Variants in TMEM74 observed in about 807,000 individuals in gnomAD.
TMEM74 encodes transmembrane protein 74.
In TMEM74, 13 loss-of-function variants were observed where a neutral mutation model predicts 18.1. That is an observed-to-expected ratio of 0.72 (90% confidence interval 0.47 to 1.14). The LOEUF is 1.14. TMEM74 is among the 50% of genes most tolerant of loss of function. The pLI, the probability that TMEM74 is intolerant of heterozygous loss-of-function variation, is 0.00. For synonymous variants in TMEM74, 159 were observed against 146.6 expected (o/e 1.08, Z -0.61); for missense variants, 372 against 375.9 (o/e 0.99, Z 0.09).
chr8:108,764,595 CA>C (rs973790950), intron 1 of TMEM74, among the ~76,000 whole-genome samples: 11 of 152,088 alleles, frequency 7.2e-5, no homozygotes, highest in Non-Finnish European at 1.5e-4. Context: ...TGGTTTGAGA[CA>C]AAAGGCCCTG....
Position 108,702,427 on chromosome 8 carries a change from G to GA in TMEM74, n.120-46991dup, listed in dbSNP as rs962883233. ...AGCTGATCTTGACAAAGGAGGAAAGGAAAAAAAAATGCAGCAGCAAAGGTA... is the reference window on the plus strand; with the variant it reads ...AGCTGATCTTGACAAAGGAGGAAAGGAAAAAAAAAATGCAGCAGCAAAGGTA... On this transcript the variant is annotated intron_variant and non_coding_transcript_variant, in intron 1 of 3. Transcript: ENST00000518838. Among the ~76,000 whole-genome samples, 11 of 148,618 alleles carry GA rather than the reference G, an allele frequency of 7.4e-5. 1 individual carries two copies. Among genetic ancestry groups the GA allele is most frequent in the African/African-American group, 1.2e-4 (5 of 40,508 alleles).
chr8:108,612,845 A>G (rs1812346863), intron 2 of TMEM74, among the ~76,000 whole-genome samples: 1 of 152,184 alleles, frequency 6.6e-6, no homozygotes, highest in African/African-American at 2.4e-5. Flanking sequence ...TCTGTAAGTC[A>G]TTAAAGCCTA....
chr8:108,664,860 C>T (rs1321763522), intron 1 of TMEM74, among the ~76,000 whole-genome samples: 1 of 152,064 alleles, frequency 6.6e-6, no homozygotes, highest in Non-Finnish European at 1.5e-5. Flanking sequence ...TGTGTCTCCG[C>T]TATTTTGACT....
In TMEM74 at chr8:108,657,879, T is replaced by TTA. The variant is rs1554630293; in HGVS notation, n.120-2443_120-2442insTA. On this transcript the variant is annotated intron_variant and non_coding_transcript_variant, in intron 1 of 3. Coordinates refer to the TMEM74 transcript ENST00000518838. ...AAAAAAATATATATATATATATATATATATATATATATATATATATATATT... is the reference window on the plus strand; with the variant it reads ...AAAAAAATATATATATATATATATATTAATATATATATATATATATATATATT... 2.2e-4 allele frequency among the ~76,000 whole-genome samples: 18 copies of TTA among 82,730 alleles called. 4 individuals carry two copies. Among genetic ancestry groups the TTA allele is most frequent in the African/African-American group, 8.2e-4 (18 of 21,934 alleles). 54.3% of individuals were successfully genotyped at this position (82,730 alleles called of 152,430 possible).
chr8:108,695,752 A>T (rs1813275627), intron 1 of TMEM74, among the ~76,000 whole-genome samples: 1 of 152,178 alleles, frequency 6.6e-6, no homozygotes, highest in African/African-American at 2.4e-5. Context: ...AAGGAACTAA[A>T]AAAAGGGGGA....
intron 1 of TMEM74, among the ~76,000 whole-genome samples, chr8:108,721,394 T>G (rs548288430): frequency 6.6e-6 from 1 of 152,250 alleles, no homozygotes; most frequent in Non-Finnish European, 1.5e-5. Flanking sequence ...CCTCCCTTTC[T>G]TTGCTCTAGC....
chr8:108,696,370 G>T (rs1450858952), intron 1 of TMEM74, among the ~76,000 whole-genome samples: 2 of 152,168 alleles, frequency 1.3e-5, no homozygotes, highest in Non-Finnish European at 1.5e-5. Context: ...TTGTTCAAAG[G>T]GTAGTGAGCT....
intron 1 of TMEM74, among the ~76,000 whole-genome samples, chr8:108,733,947 A>G (rs1208769389): frequency 6.6e-6 from 1 of 152,218 alleles, no homozygotes; most frequent in African/African-American, 2.4e-5. Context: ...TTTACAAACC[A>G]GTGAATCCCT....
chr8:108,783,309 T>C lies in TMEM74; in HGVS notation c.*872A>G, dbSNP rs1814331195. 6.6e-6 allele frequency among the ~76,000 whole-genome samples: 1 copy of C among 152,192 alleles called. No homozygotes were observed. Among genetic ancestry groups the C allele is most frequent in the Non-Finnish European group, 1.5e-5 (1 of 68,038 alleles). ...CAATCATGACTCAGGCCTGTCTAGA[T>C]GTTTAGATGTCTGGAAATATATTTA... On this transcript the variant is annotated 3_prime_UTR_variant, in exon 2 of 2. Transcript: ENST00000297459.
chr8:108,663,009 C>T lies in TMEM74; in HGVS notation n.120-7572G>A, dbSNP rs555412089. Among the ~76,000 whole-genome samples the T allele has an allele frequency of 2.0e-5, 3 of 152,160 alleles. 1 individual carries two copies. The highest frequency in any genetic ancestry group is 4.8e-5 in the African/African-American group (2 of 41,534). The stretch of plus-strand genomic sequence containing the variant: ...TTTGCTTAGGATTGCCTTGGCTATT[C>T]GAGCTCTTTTTCGGTTCCATATGAA... On this transcript the variant is annotated intron_variant and non_coding_transcript_variant, in intron 1 of 3. Coordinates refer to the TMEM74 transcript ENST00000518838.
At chr8:108,646,483 A>G (rs1004132436) in intron 2 of TMEM74, among the ~76,000 whole-genome samples, 2 of 152,180 alleles carry the variant, frequency 1.3e-5, no homozygotes, top group African/African-American at 4.8e-5. Context: ...GACAATGTAT[A>G]GGCTGTAGCC....
intron 1 of TMEM74, among the ~76,000 whole-genome samples, chr8:108,733,032 G>C (rs1415214986): frequency 6.6e-6 from 1 of 152,122 alleles, no homozygotes; most frequent in Admixed American, 6.5e-5. Flanking sequence ...GGAGCATCTG[G>C]AACTTCCACA....
At chr8:108,655,076 C>T (rs1328197884) in intron 2 of TMEM74, among the ~76,000 whole-genome samples, 1 of 152,024 alleles carries the variant, frequency 6.6e-6, no homozygotes, top group Non-Finnish European at 1.5e-5. Flanking sequence ...CTTGTAAAAT[C>T]TTGTACTTTC....
chr8:108,707,872 C>T (rs556488229), intron 1 of TMEM74, among the ~76,000 whole-genome samples: 1 of 152,180 alleles, frequency 6.6e-6, no homozygotes, highest in Admixed American at 6.5e-5. Context: ...CAATTCTGTA[C>T]CAGCAAAGGA....
Position 108,632,201 on chromosome 8 carries a change from A to AT in TMEM74, n.264+23091dup, listed in dbSNP as rs1293793678. 5.3e-5 allele frequency among the ~76,000 whole-genome samples: 8 copies of AT among 152,108 alleles called. No individual in the cohort carries two copies. In the South Asian group the frequency reaches 1.5e-3, roughly 28 times the overall value. On this transcript the variant is annotated intron_variant and non_coding_transcript_variant, in intron 2 of 3. Transcript: ENST00000518838. ...TAGATGATACAGGACATGTGAATGA[A>AT]TTTTTTCAGGAAGATTAAGTATAGG...
chr8:108,680,975 C>T lies in TMEM74; in HGVS notation n.120-25538G>A, dbSNP rs547967070. Among the ~76,000 whole-genome samples the T allele has an allele frequency of 3.9e-5, 6 of 152,228 alleles. No homozygotes were observed. In the East Asian group the frequency reaches 9.7e-4, roughly 25 times the overall value. ...AACTTACAAGGGATGTGAAGGACCT[C>T]TTCAAGGAGAACTACAAACCACTGT... On this transcript the variant is annotated intron_variant and non_coding_transcript_variant, in intron 1 of 3. Coordinates refer to the TMEM74 transcript ENST00000518838.
intron 1 of TMEM74, among the ~76,000 whole-genome samples, chr8:108,655,698 G>T (rs1043161300): frequency 1.1e-4 from 16 of 152,118 alleles, no homozygotes; most frequent in Admixed American, 9.8e-4. Context: ...CTTCTTCATA[G>T]GCATCAACAT....
intron 1 of TMEM74, among the ~76,000 whole-genome samples, chr8:108,689,852 T>C (rs1813207197): frequency 6.6e-6 from 1 of 152,170 alleles, no homozygotes; most frequent in African/African-American, 2.4e-5. Context: ...CTGTTGGTGT[T>C]GTTCTTCCCA....
In TMEM74 at chr8:108,784,765, T is replaced by C. The variant is rs1299272607; in HGVS notation, c.334A>G (p.Thr112Ala). 2.5e-6 allele frequency: 4 copies of C among 1,614,000 alleles called. No homozygotes were observed. In the African/African-American group the frequency reaches 5.3e-5, roughly 22 times the overall value. Reference sequence around the variant, plus strand: ...AAGTTGATGTTTTTGTCCACATAGGTAAAAGAAGTTTCTAATTCCTGGCTG... The same window carrying C: ...AAGTTGATGTTTTTGTCCACATAGGCAAAAGAAGTTTCTAATTCCTGGCTG... ...CCSQELETSFTYVDKNINLEQ... is the reference protein window; with the variant it reads ...CCSQELETSFAYVDKNINLEQ... Residue 112 changes from threonine to alanine, a missense_variant, in exon 2 of 2, where the codon ACC (threonine) becomes GCC (alanine). Physicochemically the swap from Thr to Ala is moderately conservative, Grantham distance 58. Transcript: ENST00000297459.
Sources: gnomAD v4.1 joint callset for allele counts (sites outside exome capture counted in the v4.1 genomes callset) on GRCh38, gnomAD v4.1.1 for gene constraint, MANE v1.5 for transcripts, NCBI Gene and HGNC (gene_info 2026-07-23, HGNC 2026-07-21) for gene names.